DOCK5: variants seen among roughly 807,000 people sequenced by gnomAD.
DOCK5 encodes dedicator of cytokinesis protein 5.
DOCK5 carries 142 observed loss-of-function variants against 251.8 expected under a neutral mutation model. That is an observed-to-expected ratio of 0.56 (90% CI 0.49 to 0.65). The LOEUF (loss-of-function observed/expected upper bound fraction) is 0.65. DOCK5 is among the 30% of genes least tolerant of loss of function. The probability of loss-of-function intolerance (pLI) is 0.00; values close to 1 mark genes in which losing one functional copy is unlikely to be tolerated. For missense variants in DOCK5, 2,111 were observed against 2,312.3 expected, an observed-to-expected ratio of 0.91 and a Z score of 1.79; for synonymous variants, 842 against 835.5, an observed-to-expected ratio of 1.01 and a Z score of -0.13.
At chr8:25,368,783 C>G in intron 33 of DOCK5, 58 bp downstream of exon 33, 2 of 1,518,924 alleles carry the variant, frequency 1.3e-6, no homozygotes, top group Non-Finnish European at 1.8e-6. Context: ...AATCATAACT[C>G]ATTTCTTTCT....
chr8:25,201,264 G>C (rs1481585168), intron 1 of DOCK5, among the ~76,000 whole-genome samples: 1 of 152,156 alleles, frequency 6.6e-6, no homozygotes, highest in Non-Finnish European at 1.5e-5. Context: ...TCCTCTCTCT[G>C]TTTGAAGACA....
intron 13 of DOCK5, among the ~76,000 whole-genome samples, chr8:25,313,836 A>G (rs935812327): frequency 2.0e-5 from 3 of 152,016 alleles, no homozygotes; most frequent in Admixed American, 2.0e-4. Flanking sequence ...ACCTCATTTT[A>G]CCTTACTTAC....
Position 25,254,779 on chromosome 8 carries a change from AAAACAAAACAAAAC to A in DOCK5, c.127+11026_127+11039del, listed in dbSNP as rs1376927751. ...ACAAAGCAAGACTTTGTCTCAAAAA[AAAACAAAACAAAAC>A]AAAAAAAAAAAACATTTGATAAAGG... On this transcript the variant is annotated intron_variant, in intron 2 of 51. Transcript: ENST00000276440. Among the ~76,000 whole-genome samples, 10 of 130,058 alleles carry A rather than the reference AAAACAAAACAAAAC, an allele frequency of 7.7e-5. 3 individuals carry two copies. In the East Asian group the frequency reaches 1.8e-3, roughly 23 times the overall value. 85.3% of individuals were successfully genotyped at this position (130,058 alleles called of 152,430 possible).
Position 25,341,738 on chromosome 8 carries a change from G to A in DOCK5, c.2440-1G>A. 3 of 1,574,722 alleles carry A rather than the reference G, an allele frequency of 1.9e-6. No individual in the cohort carries two copies. Among genetic ancestry groups the A allele is most frequent in the Non-Finnish European group, 2.6e-6 (3 of 1,158,264 alleles). On this transcript the variant is annotated splice_acceptor_variant, in intron 23 of 51. Transcript: ENST00000276440. LOFTEE classifies it high-confidence loss of function. Reference sequence around the variant, plus strand: ...ATTTGCCTTTGGTGTTTTTCTTACAGGGGGCAGCTTTGAAGTACCTTCCTA... The same window carrying A: ...ATTTGCCTTTGGTGTTTTTCTTACAAGGGGCAGCTTTGAAGTACCTTCCTA...
chr8:25,295,275 C>T (rs1277383339), intron 6 of DOCK5, among the ~76,000 whole-genome samples: 1 of 150,794 alleles, frequency 6.6e-6, no homozygotes, highest in Non-Finnish European at 1.5e-5. Context: ...CCCATCTCTA[C>T]AATTTTTTTT....
intron 1 of DOCK5, among the ~76,000 whole-genome samples, chr8:25,200,880 G>T (rs1247772890): frequency 6.7e-6 from 1 of 148,640 alleles, no homozygotes; most frequent in Non-Finnish European, 1.5e-5. Context: ...TTTGTTGGTT[G>T]TTTAAGGATC....
intron 49 of DOCK5, 31 bp from the exon 50 acceptor site, chr8:25,408,771 A>G: frequency 6.2e-7 from 1 of 1,612,574 alleles, no homozygotes; most frequent in Non-Finnish European, 8.5e-7. Context: ...CCTCACCGTG[A>G]AAATGTTTTG....
chr8:25,400,590 A>C (rs1437460204), intron 46 of DOCK5, among the ~76,000 whole-genome samples: 1 of 151,492 alleles, frequency 6.6e-6, no homozygotes, highest in Admixed American at 6.6e-5. Flanking sequence ...TCAAGACTTC[A>C]GTGGGCAGTG....
chr8:25,319,638 T>TA lies in DOCK5; in HGVS notation c.1505dup (p.Tyr502Ter). The TA allele has an allele frequency of 1.3e-6, 2 of 1,591,164 alleles. No homozygotes were observed. Among genetic ancestry groups the TA allele is most frequent in the Non-Finnish European group, 1.7e-6 (2 of 1,168,644 alleles). The change falls in exon 15 of 52, where the codon TAC becomes TAAC. Residue 502 changes from tyrosine (Y) to a stop codon, truncating the protein, a stop_gained and frameshift_variant. Coordinates refer to ENST00000276440, the MANE Select transcript of DOCK5 (RefSeq NM_024940.8). LOFTEE classifies it high-confidence loss of function. ...TTCAGAATACAAATCAGTAGTCTAT[T>TA]ACCAAGTCAAGCAGCCCTGTTGGTA... Reference protein sequence around the residue: ...GISEYKSVVYYQVKQPCWYET... With the variant: ...GISEYKSVVY
chr8:25,390,949 C>T (rs539167440), intron 42 of DOCK5, among the ~76,000 whole-genome samples: 2 of 152,020 alleles, frequency 1.3e-5, no homozygotes, highest in African/African-American at 2.4e-5. Flanking sequence ...GCTGGGATTA[C>T]AGGTACACGC....
chr8:25,415,103 A>C lies in DOCK5; in HGVS notation c.*3805A>C, dbSNP rs1801687585. The C allele has an allele frequency of 6.6e-6, 1 of 151,828 alleles. No individual in the cohort carries two copies. Among genetic ancestry groups the C allele is most frequent in the Non-Finnish European group, 1.5e-5 (1 of 67,956 alleles). The allele number at this position is 151,828 out of a possible 1,614,324, so 9.4% of individuals were successfully genotyped here. A position where few individuals can be genotyped will look rare whatever the true frequency, so the allele number is the denominator to read the frequency against. On this transcript the variant is annotated 3_prime_UTR_variant, in exon 52 of 52. Transcript: ENST00000276440. ...CCAGGTGGTGCTTTGACCCTGCCAT[A>C]CCCTGGCTATTAAGATAAAAAGATT...
At chr8:25,204,935 C>T (rs922659212) in intron 1 of DOCK5, among the ~76,000 whole-genome samples, 1 of 152,056 alleles carries the variant, frequency 6.6e-6, no homozygotes, top group Admixed American at 6.6e-5. Flanking sequence ...GAAGCCTCAG[C>T]CCCTAGTGTG....
rs2468902 is a variant in DOCK5 at position 25,345,506 on chromosome 8, A to G, written c.2649A>G (p.Thr883=). Residue 883 remains threonine (T), a synonymous_variant, in exon 26 of 52, where the codon ACA becomes ACG. Coordinates refer to ENST00000276440, the MANE Select transcript of DOCK5 (RefSeq NM_024940.8). ...ECREVLLPLL[T]DQLSGQLDDN... ...GAGAAGTGCTGCTGCCACTGCTGAC[A>G]GACCAGCTCAGCGGCCAGTTAGATG... is the stretch of plus-strand genomic sequence containing the variant. 1 allele frequency: 1,606,288 copies of G among 1,613,836 alleles called. 799,671 individuals are homozygous for G. The highest frequency in any genetic ancestry group is 1 in the East Asian group (44,854 of 44,856).
chr8:25,302,693 CTG>C (rs760456234), intron 10 of DOCK5, among the ~76,000 whole-genome samples: 4 of 152,212 alleles, frequency 2.6e-5, no homozygotes, highest in African/African-American at 2.4e-5. Flanking sequence ...GACTAAGAAA[CTG>C]TGGTGTGTAC....
chr8:25,299,168 C>T, intron 8 of DOCK5, 67 bp downstream of exon 8: 2 of 1,536,204 alleles, frequency 1.3e-6, no homozygotes, highest in African/African-American at 1.4e-5. Context: ...TGACCCCTAC[C>T]CGGGCAGCTC....
chr8:25,217,065 ATGTATATATGTATATATAATATG>A (rs1802264799), intron 1 of DOCK5, among the ~76,000 whole-genome samples: 1 of 139,306 alleles, frequency 7.2e-6, no homozygotes, highest in Non-Finnish European at 1.6e-5. Flanking sequence ...TGTATACAAT[ATGTATATATGTATATATAATATG>A]TGTATATATA....
intron 2 of DOCK5, among the ~76,000 whole-genome samples, chr8:25,257,810 C>T (rs1803457167): frequency 6.6e-6 from 1 of 152,140 alleles, no homozygotes; most frequent in African/African-American, 2.4e-5. Context: ...CGAAGTCATG[C>T]TGATGATAAC....
chr8:25,257,205 G>C (rs1284117884), intron 2 of DOCK5, among the ~76,000 whole-genome samples: 1 of 152,128 alleles, frequency 6.6e-6, no homozygotes, highest in African/African-American at 2.4e-5. Flanking sequence ...GTTGGTCCCT[G>C]AACTGTGCCA....
intron 16 of DOCK5, among the ~76,000 whole-genome samples, chr8:25,322,546 A>G (rs1027490179): frequency 6.6e-6 from 1 of 152,228 alleles, no homozygotes; most frequent in African/African-American, 2.4e-5. Context: ...CAGCCATTTC[A>G]TATGGTTCTG....
Sources: gnomAD v4.1 joint callset for allele counts (sites outside exome capture counted in the v4.1 genomes callset) on GRCh38, gnomAD v4.1.1 for gene constraint, MANE v1.5 for transcripts, NCBI Gene and HGNC (gene_info 2026-07-23, HGNC 2026-07-21) for gene names.